Variants in FBXL17 observed in about 807,000 individuals in gnomAD.
The protein encoded by FBXL17 is F-box/LRR-repeat protein 17.
In FBXL17, 22 loss-of-function variants were observed where a neutral mutation model predicts 66.2. The ratio of observed to expected loss-of-function variants is 0.33; its 90% CI spans 0.24 to 0.47. The LOEUF (loss-of-function observed/expected upper bound fraction) is 0.47. FBXL17 is among the 20% of genes least tolerant of loss of function. FBXL17 has a pLI of 1.00. For synonymous variants in FBXL17, 474 were observed against 400.5 expected (o/e 1.18, Z -2.19); for missense variants, 878 against 948.2 (o/e 0.93, Z 0.97).
At chr5:108,020,768 A>C (rs147680079) in intron 7 of FBXL17, 157 bp downstream of exon 7, 1 of 544,348 alleles carries the variant, frequency 1.8e-6, no homozygotes, top group South Asian at 2.5e-5. Context: ...TTCTTAGCTC[A>C]TAATTTTTTT....
chr5:108,259,318 A>G (rs1756713830), intron 4 of FBXL17, among the ~76,000 whole-genome samples: 1 of 152,234 alleles, frequency 6.6e-6, no homozygotes, highest in Non-Finnish European at 1.5e-5. Flanking sequence ...AGTTCTAAAA[A>G]GCTAAAACTA....
chr5:107,943,139 T>A lies in FBXL17; in HGVS notation c.1823-61960A>T, dbSNP rs76522010. 4.1e-3 allele frequency among the ~76,000 whole-genome samples: 625 copies of A among 152,284 alleles called. 5 individuals are homozygous for A. Among genetic ancestry groups the A allele is most frequent in the African/African-American group, 0.014 (602 of 41,562 alleles). On this transcript the variant is annotated intron_variant, in intron 7 of 8. Transcript: ENST00000542267. ...GGCTCTGTCATTGCTTGACTCCCAC[T>A]ACACAACACTTCCTGTATCCTGCAG...
intron 7 of FBXL17, among the ~76,000 whole-genome samples, chr5:107,983,979 A>G (rs1274318515): frequency 6.6e-6 from 1 of 152,184 alleles, no homozygotes; most frequent in African/African-American, 2.4e-5. Flanking sequence ...AAAAGAAAAA[A>G]AAAGAAAATG....
intron 4 of FBXL17, among the ~76,000 whole-genome samples, chr5:108,339,226 C>T (rs17387645): frequency 6.6e-6 from 1 of 151,916 alleles, no homozygotes; most frequent in Non-Finnish European, 1.5e-5. Context: ...ATCCTAAAAC[C>T]CTAGAACCTC....
chr5:108,360,613 T>C (rs565201628), intron 3 of FBXL17, among the ~76,000 whole-genome samples: 41 of 152,254 alleles, frequency 2.7e-4, no homozygotes, highest in African/African-American at 8.7e-4. Context: ...CTTGGACGTA[T>C]AGATGCGTAT....
chr5:108,102,178 T>C (rs74549974), intron 6 of FBXL17, among the ~76,000 whole-genome samples: 20,323 of 152,156 alleles, frequency 0.13, 1,485 homozygotes, highest in Admixed American at 0.17. Flanking sequence ...GGAGTCTGAA[T>C]CTGGAGAGAT....
In FBXL17 at chr5:107,872,937, T is replaced by A. The variant is rs1748505636; in HGVS notation, c.1965+8100A>T. 2.0e-5 allele frequency among the ~76,000 whole-genome samples: 3 copies of A among 151,634 alleles called. No individual in the cohort carries two copies. The South Asian group carries it at 6.3e-4, about 32-fold the overall frequency. On this transcript the variant is annotated intron_variant, in intron 8 of 8. Transcript: ENST00000542267. ...ACAAACATTCTCTGGCAGGACGGAG[T>A]GGTTACCATATGGATGCTGCTGCCA...
intron 6 of FBXL17, among the ~76,000 whole-genome samples, chr5:108,048,934 T>C (rs1747365157): frequency 6.6e-6 from 1 of 151,994 alleles, no homozygotes; most frequent in Non-Finnish European, 1.5e-5. Context: ...CAGGCCAACA[T>C]GCAAATTCAG....
chr5:108,294,365 T>C (rs1319482136), intron 4 of FBXL17, among the ~76,000 whole-genome samples: 2 of 151,258 alleles, frequency 1.3e-5, no homozygotes, highest in Non-Finnish European at 2.9e-5. Context: ...TGAATTCTTC[T>C]TATTTTATTG....
chr5:108,096,872 G>T (rs1385045651), intron 6 of FBXL17, among the ~76,000 whole-genome samples: 1 of 152,212 alleles, frequency 6.6e-6, no homozygotes, highest in Non-Finnish European at 1.5e-5. Flanking sequence ...CTTTGCACTG[G>T]AAGTTAAAAG....
At chr5:108,380,586 G>T in intron 1 of FBXL17, 113 bp downstream of exon 1, 1 of 604,672 alleles carries the variant, frequency 1.7e-6, no homozygotes, top group Non-Finnish European at 2.5e-6. Flanking sequence ...ACGTCCCTAG[G>T]CTGCCAGGGA....
chr5:108,126,416 G>T (rs963423364), intron 6 of FBXL17, among the ~76,000 whole-genome samples: 1 of 151,846 alleles, frequency 6.6e-6, no homozygotes, highest in African/African-American at 2.4e-5. Context: ...ACCTGTGAAA[G>T]TAATAAGCCT....
At chr5:107,905,484 T>G (rs1468088823) in intron 7 of FBXL17, among the ~76,000 whole-genome samples, 2 of 152,154 alleles carry the variant, frequency 1.3e-5, no homozygotes, top group Non-Finnish European at 2.9e-5. Flanking sequence ...ATGGGATACC[T>G]CCTCAGACAT....
At chr5:108,120,765 C>G (rs1341535518) in intron 6 of FBXL17, among the ~76,000 whole-genome samples, 1 of 151,702 alleles carries the variant, frequency 6.6e-6, no homozygotes, top group Admixed American at 6.6e-5. Flanking sequence ...CCCAGGAGTT[C>G]GAGGTTGCAG....
At chr5:108,209,710 G>A (rs944087288) in intron 5 of FBXL17, among the ~76,000 whole-genome samples, 9 of 152,122 alleles carry the variant, frequency 5.9e-5, no homozygotes, top group Admixed American at 3.3e-4. Flanking sequence ...AATTCGGTTT[G>A]CCAGTATTTT....
At chr5:107,887,694 G>T (rs1457329435) in intron 7 of FBXL17, among the ~76,000 whole-genome samples, 2 of 152,136 alleles carry the variant, frequency 1.3e-5, no homozygotes, top group Non-Finnish European at 2.9e-5. Context: ...CCCTGCGAAG[G>T]CTCCCTCCAC....
intron 1 of FBXL17, among the ~76,000 whole-genome samples, chr5:108,377,635 G>C (rs756780961): frequency 6.6e-5 from 10 of 152,144 alleles, no homozygotes; most frequent in Non-Finnish European, 1.5e-4. Context: ...CTTTGCTTTT[G>C]GTTGATTTCC....
chr5:108,344,032 A>G (rs1580855409), intron 4 of FBXL17, among the ~76,000 whole-genome samples: 1 of 152,314 alleles, frequency 6.6e-6, no homozygotes, highest in African/African-American at 2.4e-5. Flanking sequence ...CCTTTCTGCA[A>G]GGAAGGAAAA....
intron 7 of FBXL17, among the ~76,000 whole-genome samples, chr5:107,980,069 C>T (rs1478446233): frequency 6.6e-6 from 1 of 151,986 alleles, no homozygotes; most frequent in Non-Finnish European, 1.5e-5. Context: ...CATGCGTGAA[C>T]CTATGTAGGA....
Sources: gnomAD v4.1 joint callset for allele counts (sites outside exome capture counted in the v4.1 genomes callset) on GRCh38, gnomAD v4.1.1 for gene constraint, MANE v1.5 for transcripts, NCBI Gene and HGNC (gene_info 2026-07-23, HGNC 2026-07-21) for gene names.